Variants in VWA3B observed in about 807,000 individuals in gnomAD.
The protein encoded by VWA3B is von Willebrand factor A domain containing 3B, also known as von Willebrand factor A domain-containing protein 3B.
VWA3B carries 138 observed loss-of-function variants against 158.3 expected under a neutral mutation model. The observed-to-expected ratio is 0.87, with a 90% CI of 0.76 to 1.00. VWA3B has a LOEUF of 1.00. Among genes scored for constraint, VWA3B ranks in the 50% least tolerant of loss-of-function variants. The pLI, the probability that VWA3B is intolerant of heterozygous loss-of-function variation, is 0.00. For synonymous variants in VWA3B, 596 were observed against 587.3 expected (o/e 1.01, Z -0.21); for missense variants, 1,555 against 1,565.1 (o/e 0.99, Z 0.11).
Position 98,307,316 on chromosome 2 carries a change from C to T in VWA3B, c.3521+3514C>T, listed in dbSNP as rs369443897. On this transcript the variant is annotated intron_variant, in intron 26 of 27. Transcript: ENST00000477737. ...GACGTGTCCACCCTGCTGCTATGCC[C>T]GGTTTCCATTGGCTGGAACGGGACC... Among the ~76,000 whole-genome samples the T allele has an allele frequency of 7.2e-5, 11 of 152,318 alleles. No individual in the cohort carries two copies. In the East Asian group the frequency reaches 7.7e-4, roughly 11 times the overall value.
chr2:98,187,906 A>T, intron 9 of VWA3B, 69 bp from the exon 10 acceptor site: 2 of 1,473,888 alleles, frequency 1.4e-6, no homozygotes, highest in Non-Finnish European at 1.8e-6. Context: ...ACAGAGCTTA[A>T]GGTGCCATCT....
intron 19 of VWA3B, among the ~76,000 whole-genome samples, chr2:98,241,620 G>C (rs1352506178): frequency 6.6e-6 from 1 of 151,932 alleles, no homozygotes; most frequent in Non-Finnish European, 1.5e-5. Context: ...TCAAGCAGGG[G>C]AAAAATAAAG....
At chr2:98,118,872 T>C (rs1013133907) in intron 3 of VWA3B, among the ~76,000 whole-genome samples, 1 of 152,260 alleles carries the variant, frequency 6.6e-6, no homozygotes, top group African/African-American at 2.4e-5. Context: ...ACAGTGTGTC[T>C]GATCTATGTG....
intron 8 of VWA3B, among the ~76,000 whole-genome samples, chr2:98,168,989 T>A (rs1679348149): frequency 6.6e-6 from 1 of 152,126 alleles, no homozygotes; most frequent in Non-Finnish European, 1.5e-5. Flanking sequence ...ATCCAAGAAG[T>A]TCAGTGAATG....
At chr2:98,220,165 T>TAAAAAAAAAAAAAAAA (rs58005028) in intron 14 of VWA3B, among the ~76,000 whole-genome samples, 1 of 83,684 alleles carries the variant, frequency 1.2e-5, no homozygotes, top group Non-Finnish European at 2.2e-5. Flanking sequence ...ACCTGTCTCA[T>TAAAAAAAAAAAAAAAA]AAAAAAAAAA....
At chr2:98,242,740 A>G (rs1436045228) in intron 19 of VWA3B, among the ~76,000 whole-genome samples, 1 of 148,634 alleles carries the variant, frequency 6.7e-6, no homozygotes, top group Non-Finnish European at 1.5e-5. Context: ...CTAGGTTCTG[A>G]GTAAAGCATT....
chr2:98,214,358 A>G (rs1439912352), intron 13 of VWA3B, among the ~76,000 whole-genome samples: 3 of 152,202 alleles, frequency 2.0e-5, no homozygotes, highest in Admixed American at 1.3e-4. Context: ...CAATGACTGC[A>G]TCACATTCTG....
chr2:98,236,787 A>G (rs1685723586), intron 19 of VWA3B, 57 bp downstream of exon 19: 1 of 1,554,990 alleles, frequency 6.4e-7, no homozygotes, highest in Admixed American at 2.1e-5. Flanking sequence ...CTGCTCAAAT[A>G]AAAAGTAGTC....
At position 98,181,090 on chromosome 2, in the gene VWA3B, T is replaced by C. The variant is rs990537847; in HGVS notation, c.1189T>C (p.Tyr397His). ...TWDSKTWLQK[Y>H]GLKAQKLSLY... is the part of the protein sequence containing the mutation. ...GGACTCTAAGACATGGCTGCAGAAA[T>C]ATGGCTTGAAGGCCCAGAAGCTATC... Residue 397 changes from tyrosine (Y) to histidine (H), a missense_variant, in exon 9 of 28, where the codon TAT becomes CAT. By Grantham distance (83) the Tyr-to-His change is moderately conservative (BLOSUM62 2). Transcript: ENST00000477737. 4.5e-5 allele frequency: 72 copies of C among 1,614,064 alleles called. No individual in the cohort carries two copies. The highest frequency in any genetic ancestry group is 5.8e-5 in the Non-Finnish European group (68 of 1,180,040).
the VWA3B span, among the ~76,000 whole-genome samples, chr2:98,324,270 C>T: frequency 2.0e-5 from 3 of 152,090 alleles, no homozygotes; most frequent in African/African-American, 4.8e-5. Flanking sequence ...TCAAACCATT[C>T]TCCTGCCTCA....
intron 23 of VWA3B, among the ~76,000 whole-genome samples, chr2:98,296,874 AATTAT>A (rs1689831202): frequency 6.6e-6 from 1 of 151,208 alleles, no homozygotes; most frequent in African/African-American, 2.4e-5. Context: ...CTATTCTAAT[AATTAT>A]ATTAATTAAA....
At chr2:98,180,125 TCCTCCCTCCCTC>T (rs756905569) in intron 8 of VWA3B, among the ~76,000 whole-genome samples, 1 of 149,868 alleles carries the variant, frequency 6.7e-6, no homozygotes, top group African/African-American at 2.5e-5. Context: ...TCTGTCTCTC[TCCTCCCTCCCTC>T]CCTCCCTTTC....
rs1272767814 is a variant in VWA3B, at chr2:98,168,019, A to G, written c.1114+5043A>G. ...ACAAAGCTCAAGAAAATTTGTAAGA[A>G]CAAAAGCATCCAGTACCCAACAAGG... On this transcript the variant is annotated intron_variant, in intron 8 of 27. Transcript: ENST00000477737. Among the ~76,000 whole-genome samples, 4 of 152,326 alleles carry G rather than the reference A, an allele frequency of 2.6e-5. No individual in the cohort carries two copies. In the East Asian group the frequency reaches 7.7e-4, roughly 29 times the overall value.
chr2:98,198,308 C>T (rs1682233906), intron 12 of VWA3B, among the ~76,000 whole-genome samples: 2 of 152,084 alleles, frequency 1.3e-5, no homozygotes, highest in East Asian at 1.9e-4. Flanking sequence ...TCATACTCTA[C>T]AAGAAACAAA....
intron 19 of VWA3B, chr2:98,242,325 A>G (rs896986545): frequency 2.2e-6 from 1 of 456,016 alleles, no homozygotes; most frequent in Non-Finnish European, 4.4e-6. Flanking sequence ...TTGCCCTAGC[A>G]ACTCTTCATT....
intron 2 of VWA3B, among the ~76,000 whole-genome samples, chr2:98,097,565 C>A (rs923808516): frequency 1.3e-5 from 2 of 152,134 alleles, no homozygotes; most frequent in African/African-American, 4.8e-5. Context: ...CATACATGTG[C>A]AGGTGTCCTT....
chr2:98,141,674 C>T (rs1048682674), intron 7 of VWA3B, among the ~76,000 whole-genome samples: 1 of 152,210 alleles, frequency 6.6e-6, no homozygotes. Flanking sequence ...CAGGGAAACT[C>T]ATCTTTTAAG....
intron 4 of VWA3B, among the ~76,000 whole-genome samples, chr2:98,120,643 G>T (rs979305205): frequency 6.6e-6 from 1 of 152,204 alleles, no homozygotes; most frequent in Admixed American, 6.5e-5. Context: ...GGGCAATCGG[G>T]CCAGTTTATT....
chr2:98,318,691 G>A, the VWA3B span, among the ~76,000 whole-genome samples: 4 of 152,112 alleles, frequency 2.6e-5, no homozygotes, highest in Admixed American at 2.6e-4. Flanking sequence ...ATTTACCTAT[G>A]TAACAAACCT....
Sources: gnomAD v4.1 joint callset for allele counts (sites outside exome capture counted in the v4.1 genomes callset) on GRCh38, gnomAD v4.1.1 for gene constraint, MANE v1.5 for transcripts, NCBI Gene and HGNC (gene_info 2026-07-23, HGNC 2026-07-21) for gene names.